PTPRD: variants seen among roughly 807,000 people sequenced by gnomAD.
PTPRD encodes the protein protein tyrosine phosphatase receptor type D, also known as receptor-type tyrosine-protein phosphatase delta.
PTPRD carries 34 observed loss-of-function variants against 214.5 expected under a neutral mutation model. The ratio of observed to expected loss-of-function variants is 0.16; its 90% confidence interval spans 0.12 to 0.21. PTPRD has a LOEUF of 0.21. Ranked by LOEUF, PTPRD falls within the 10% of genes least tolerant of loss-of-function variation. The pLI is 1.00. For synonymous variants in PTPRD, 1,128 were observed against 845.7 expected (o/e 1.33, Z -5.79); for missense variants, 2,545 against 2,398.7 (o/e 1.06, Z -1.27).
chr9:10,044,827 G>A (rs1376846200), intron 3 of PTPRD, among the ~76,000 whole-genome samples: 1 of 151,646 alleles, frequency 6.6e-6, no homozygotes, highest in East Asian at 1.9e-4. Context: ...CATTGGAATA[G>A]ACAAGACATG....
rs192143958 is a variant in PTPRD at position 9,366,652 on chromosome 9, T to A, written c.-203+30797A>T. 4.0e-5 allele frequency among the ~76,000 whole-genome samples: 6 copies of A among 151,638 alleles called. No individual in the cohort carries two copies. In the Admixed American group the frequency reaches 4.0e-4, roughly 10 times the overall value. On this transcript the variant is annotated intron_variant, in intron 9 of 45. Coordinates refer to ENST00000381196, the MANE Select transcript of PTPRD (RefSeq NM_002839.4). ...GGAAATAGAAACATATCATCCATCA[T>A]CATACCAGTTACATTTCTTATTTGA...
chr9:8,519,050 A>T (rs2097842283), intron 20 of PTPRD, among the ~76,000 whole-genome samples: 1 of 152,226 alleles, frequency 6.6e-6, no homozygotes, highest in Non-Finnish European at 1.5e-5. Context: ...CTGGTAAGAC[A>T]CAATACCATT....
intron 14 of PTPRD, among the ~76,000 whole-genome samples, chr9:8,532,237 G>C (rs1641232269): frequency 6.6e-6 from 1 of 152,002 alleles, no homozygotes; most frequent in Non-Finnish European, 1.5e-5. Context: ...TGACTGTCAG[G>C]TATTTGGCAA....
chr9:8,319,393 G>C (rs2130647156), intron 45 of PTPRD, among the ~76,000 whole-genome samples: 1 of 152,014 alleles, frequency 6.6e-6, no homozygotes, highest in South Asian at 2.1e-4. Context: ...GTTTTGAATG[G>C]CCATTGTTAA....
rs2096303933 is a variant in PTPRD, at chr9:8,633,085, G to C, written c.352+232C>G. Among the ~76,000 whole-genome samples, 3 of 152,056 alleles carry C rather than the reference G, an allele frequency of 2.0e-5. No homozygotes were observed. The South Asian group carries it at 6.2e-4, about 31-fold the overall frequency. The stretch of plus-strand genomic sequence containing the variant: ...ATCAAAATGGTATCTGGCATTTGAA[G>C]TCAATGCTTTTTTCAGCTTTTTTAC... On this transcript the variant is annotated intron_variant, in intron 14 of 45. Coordinates refer to ENST00000381196, the MANE Select transcript of PTPRD (RefSeq NM_002839.4).
At chr9:9,918,350 GT>G (rs1309253385) in intron 5 of PTPRD, among the ~76,000 whole-genome samples, 7 of 21,180 alleles carry the variant, frequency 3.3e-4, no homozygotes, top group East Asian at 8.7e-4. Flanking sequence ...AACCAAAGAG[GT>G]AAAAAAAAAA....
chr9:8,519,635 G>A (rs1250780850), intron 20 of PTPRD, among the ~76,000 whole-genome samples: 1 of 152,138 alleles, frequency 6.6e-6, no homozygotes, highest in Admixed American at 6.5e-5. Flanking sequence ...AATGCTGCCT[G>A]GCACTCGGTA....
At chr9:10,374,620 G>GTGTC (rs2097692787) in intron 2 of PTPRD, among the ~76,000 whole-genome samples, 1 of 152,096 alleles carries the variant, frequency 6.6e-6, no homozygotes, top group African/African-American at 2.4e-5. Flanking sequence ...CCTACGTTTA[G>GTGTC]TGTCCTCTCC....
At chr9:9,829,402 T>C (rs540742202) in intron 5 of PTPRD, among the ~76,000 whole-genome samples, 19 of 152,000 alleles carry the variant, frequency 1.3e-4, no homozygotes, top group Non-Finnish European at 2.5e-4. Context: ...CTGTAATAAA[T>C]GTATACAAGC....
At chr9:9,725,992 G>A (rs7027885) in intron 7 of PTPRD, among the ~76,000 whole-genome samples, 86,531 of 151,964 alleles carry the variant, frequency 0.57, 26,551 homozygotes, top group African/African-American at 0.78. Flanking sequence ...AGCGTTAGGG[G>A]TAATACAGTA....
intron 2 of PTPRD, among the ~76,000 whole-genome samples, chr9:10,406,324 A>G (rs1037886305): frequency 2.6e-5 from 4 of 151,616 alleles, no homozygotes; most frequent in African/African-American, 9.7e-5. Context: ...TAATTATAAA[A>G]CTAATATCAC....
chr9:10,527,076 C>T (rs2134453930), intron 2 of PTPRD, among the ~76,000 whole-genome samples: 1 of 152,216 alleles, frequency 6.6e-6, no homozygotes, highest in East Asian at 1.9e-4. Flanking sequence ...TCACCAACTT[C>T]AGAGTAATAA....
chr9:10,333,480 C>G (rs1186457388), intron 3 of PTPRD, among the ~76,000 whole-genome samples: 1 of 151,762 alleles, frequency 6.6e-6, no homozygotes, highest in Non-Finnish European at 1.5e-5. Context: ...GAAAACGACA[C>G]AGAAACAGAT....
At chr9:8,481,300 C>CT (rs35649621) in intron 30 of PTPRD, among the ~76,000 whole-genome samples, 43,808 of 151,612 alleles carry the variant, frequency 0.29, 6,308 homozygotes, top group East Asian at 0.37. Context: ...TAGTAATAAT[C>CT]TTTTTGAAAT....
At chr9:9,826,183 T>C (rs577968828) in intron 5 of PTPRD, among the ~76,000 whole-genome samples, 1 of 151,816 alleles carries the variant, frequency 6.6e-6, no homozygotes. Context: ...TTTTACTTTC[T>C]AAAATATGAC....
In PTPRD at chr9:8,998,685, C is replaced by A. The variant is rs571587801; in HGVS notation, c.-104+20012G>T. Among the ~76,000 whole-genome samples, 10 of 152,120 alleles carry A rather than the reference C, an allele frequency of 6.6e-5. No homozygotes were observed. In the South Asian group the frequency reaches 1.9e-3, roughly 28 times the overall value. On this transcript the variant is annotated intron_variant, in intron 11 of 45. Transcript: ENST00000381196. ...TATTTAATAAACACATTTTATAAGG[C>A]TAGAGCTGCTATGGATAGTGATTCC... is the stretch of plus-strand genomic sequence containing the variant.
At chr9:8,444,947 T>A (rs1343213095) in intron 34 of PTPRD, among the ~76,000 whole-genome samples, 1 of 152,188 alleles carries the variant, frequency 6.6e-6, no homozygotes, top group Non-Finnish European at 1.5e-5. Flanking sequence ...TGGAGCTTAA[T>A]GGACATTTCC....
chr9:9,631,613 T>C (rs1412177603), intron 7 of PTPRD, among the ~76,000 whole-genome samples: 3 of 152,106 alleles, frequency 2.0e-5, no homozygotes, highest in Admixed American at 6.6e-5. Flanking sequence ...TTCAGCCTAA[T>C]CCCTCACCCA....
At chr9:8,987,248 G>C (rs1589349678) in intron 11 of PTPRD, among the ~76,000 whole-genome samples, 1 of 152,212 alleles carries the variant, frequency 6.6e-6, no homozygotes, top group African/African-American at 2.4e-5. Flanking sequence ...CGATTGGCCA[G>C]GGTGAAAGGT....
Sources: allele counts gnomAD v4.1 joint callset (sites outside exome capture counted in the v4.1 genomes callset), GRCh38; gene constraint gnomAD v4.1.1; transcripts MANE v1.5; gene names NCBI Gene and HGNC (gene_info 2026-07-23, HGNC 2026-07-21).